The following FCHSD2 variants were observed in gnomAD, a reference collection of about 807,000 sequenced individuals.
The protein encoded by FCHSD2 is F-BAR and double SH3 domains protein 2.
Under a neutral mutation model 108.1 loss-of-function variants are expected in FCHSD2, and 38 were observed. The ratio of observed to expected loss-of-function variants is 0.35; its 90% CI spans 0.27 to 0.46. The LOEUF is 0.46. FCHSD2 is among the 20% of genes least tolerant of loss of function. FCHSD2 has a pLI of 1.00. For synonymous variants in FCHSD2, 279 were observed against 314.7 expected (o/e 0.89, Z 1.20); for missense variants, 751 against 897.8 (o/e 0.84, Z 2.09).
intron 3 of FCHSD2, among the ~76,000 whole-genome samples, chr11:73,046,931 T>C (rs906676998): frequency 2.6e-5 from 4 of 152,182 alleles, no homozygotes; most frequent in Admixed American, 2.0e-4. Flanking sequence ...GATCAAAATA[T>C]GTGGATGTTA....
chr11:73,098,550 G>C (rs1477932016), intron 2 of FCHSD2, among the ~76,000 whole-genome samples: 2 of 151,960 alleles, frequency 1.3e-5, no homozygotes, highest in Non-Finnish European at 2.9e-5. Context: ...ATATACACCT[G>C]TTGGGTCTAG....
intron 8 of FCHSD2, among the ~76,000 whole-genome samples, chr11:72,973,197 G>A (rs780768726): frequency 6.6e-6 from 1 of 151,968 alleles, no homozygotes; most frequent in African/African-American, 2.4e-5. Flanking sequence ...GAGAAACCCC[G>A]TCTCTACTAA....
intron 4 of FCHSD2, among the ~76,000 whole-genome samples, chr11:73,014,850 C>CT (rs1197018023): frequency 3.3e-4 from 48 of 146,472 alleles, no homozygotes; most frequent in South Asian, 2.0e-3. Flanking sequence ...AAATCAAATT[C>CT]TTTTTTTTTT....
intron 2 of FCHSD2, among the ~76,000 whole-genome samples, chr11:73,123,632 A>G (rs1442119209): frequency 6.6e-6 from 1 of 152,236 alleles, no homozygotes; most frequent in Non-Finnish European, 1.5e-5. Context: ...TCATCACACT[A>G]TAATGGCAAT....
chr11:73,135,162 ATATAT>A (rs1247175873), intron 2 of FCHSD2, among the ~76,000 whole-genome samples: 1 of 152,152 alleles, frequency 6.6e-6, no homozygotes, highest in Non-Finnish European at 1.5e-5. Context: ...CCTCCTGATA[ATATAT>A]TATACTTTTT....
chr11:73,097,631 T>C (rs1218948233), intron 2 of FCHSD2, among the ~76,000 whole-genome samples: 2 of 151,044 alleles, frequency 1.3e-5, no homozygotes, highest in Non-Finnish European at 3.0e-5. Flanking sequence ...TTTTTTTTTT[T>C]TTCTAATTAC....
chr11:72,911,819 C>T (rs146447439), intron 9 of FCHSD2, among the ~76,000 whole-genome samples: 30 of 152,242 alleles, frequency 2.0e-4, no homozygotes, highest in African/African-American at 5.5e-4. Context: ...TGAATTCAAG[C>T]GATTCTCCTG....
intron 11 of FCHSD2, among the ~76,000 whole-genome samples, chr11:72,889,224 G>T (rs979264752): frequency 6.6e-6 from 1 of 152,092 alleles, no homozygotes; most frequent in African/African-American, 2.4e-5. Context: ...GCCTCCCAAA[G>T]TGCTGGGATT....
intron 3 of FCHSD2, among the ~76,000 whole-genome samples, chr11:73,058,171 G>A (rs1214033773): frequency 1.3e-5 from 2 of 152,130 alleles, no homozygotes; most frequent in African/African-American, 4.8e-5. Flanking sequence ...GAGCCACTGT[G>A]CCTGGCCAAT....
At chr11:73,102,489 G>A (rs966468824) in intron 2 of FCHSD2, among the ~76,000 whole-genome samples, 5 of 152,214 alleles carry the variant, frequency 3.3e-5, no homozygotes, top group Admixed American at 1.3e-4. Context: ...GCAATGAAAC[G>A]AAACATCCAT....
intron 8 of FCHSD2, among the ~76,000 whole-genome samples, chr11:72,949,780 T>C (rs1159959099): frequency 6.6e-6 from 1 of 152,234 alleles, no homozygotes; most frequent in African/African-American, 2.4e-5. Context: ...CACTAGTTGA[T>C]GGACATTTGG....
chr11:73,125,014 A>G (rs1281952543), intron 2 of FCHSD2, among the ~76,000 whole-genome samples: 4 of 152,222 alleles, frequency 2.6e-5, no homozygotes, highest in African/African-American at 9.6e-5. Flanking sequence ...GGAGTGACCA[A>G]CTCAGAATTC....
chr11:72,895,459 C>G (rs1181656221), intron 10 of FCHSD2, among the ~76,000 whole-genome samples: 1 of 152,144 alleles, frequency 6.6e-6, no homozygotes, highest in African/African-American at 2.4e-5. Context: ...ATGGAACAGC[C>G]TTATAAAGAG....
chr11:73,024,863 A>G (rs1051734115), intron 3 of FCHSD2, among the ~76,000 whole-genome samples: 1 of 152,168 alleles, frequency 6.6e-6, no homozygotes. Context: ...AAACAGACAT[A>G]CATGCAGCCA....
intron 3 of FCHSD2, chr11:73,077,664 T>C (rs1486043290): frequency 4.6e-6 from 2 of 432,560 alleles, no homozygotes; most frequent in South Asian, 3.4e-5. Flanking sequence ...ATCCATACAA[T>C]GGAATACTAC....
intron 8 of FCHSD2, among the ~76,000 whole-genome samples, chr11:72,932,360 G>T (rs1281740544): frequency 4.6e-5 from 7 of 152,066 alleles, no homozygotes; most frequent in Non-Finnish European, 8.8e-5. Context: ...TTACTTGACT[G>T]CTCTACACTG....
At chr11:73,138,325 T>C (rs762246395) in intron 2 of FCHSD2, among the ~76,000 whole-genome samples, 35 of 152,224 alleles carry the variant, frequency 2.3e-4, no homozygotes, top group Non-Finnish European at 4.0e-4. Flanking sequence ...GTCCATATTC[T>C]TGACCATAAG....
chr11:72,931,118 A>T (rs1356052290), intron 8 of FCHSD2, among the ~76,000 whole-genome samples: 1 of 143,478 alleles, frequency 7.0e-6, no homozygotes, highest in African/African-American at 2.6e-5. Flanking sequence ...TTTTTTGAAA[A>T]GGAGTCGCGC....
intron 3 of FCHSD2, among the ~76,000 whole-genome samples, chr11:73,041,606 T>G (rs1254688121): frequency 6.6e-6 from 1 of 152,006 alleles, no homozygotes; most frequent in East Asian, 1.9e-4. Flanking sequence ...TTTGTTTGTT[T>G]GCTACTGAGT....
Sources: allele counts gnomAD v4.1 joint callset (sites outside exome capture counted in the v4.1 genomes callset), GRCh38; gene constraint gnomAD v4.1.1; transcripts MANE v1.5; gene names NCBI Gene and HGNC (gene_info 2026-07-23, HGNC 2026-07-21).